The following AGFG2 variants were observed in gnomAD, a reference collection of about 807,000 sequenced individuals.
AGFG2 encodes arf-GAP domain and FG repeat-containing protein 2.
AGFG2 carries 31 observed loss-of-function variants against 48.0 expected under a neutral mutation model. The ratio of observed to expected loss-of-function variants is 0.65; its 90% confidence interval spans 0.49 to 0.87. The LOEUF (loss-of-function observed/expected upper bound fraction) is 0.87. AGFG2 is among the 40% of genes least tolerant of loss of function. The pLI is 0.00. For synonymous variants in AGFG2, 229 were observed against 260.8 expected (o/e 0.88, Z 1.18); for missense variants, 599 against 632.6 (o/e 0.95, Z 0.57).
intron 1 of AGFG2, among the ~76,000 whole-genome samples, chr7:100,539,943 C>T (rs957512315): frequency 2.0e-5 from 3 of 151,952 alleles, no homozygotes; most frequent in Non-Finnish European, 4.4e-5. Flanking sequence ...CAGAAAATGA[C>T]ATGCACCTTT....
chr7:100,563,505 G>A (rs538549379), intron 9 of AGFG2, among the ~76,000 whole-genome samples: 3 of 152,296 alleles, frequency 2.0e-5, no homozygotes, highest in South Asian at 2.1e-4. Context: ...CCTATGAGAC[G>A]GACTGTCCCC....
intron 3 of AGFG2, among the ~76,000 whole-genome samples, chr7:100,551,066 A>ATATATATTT (rs1562791920): frequency 1.4e-5 from 1 of 69,710 alleles, no homozygotes; most frequent in African/African-American, 6.4e-5. Flanking sequence ...ATATATATAT[A>ATATATATTT]TTTCTTTTTT....
intron 6 of AGFG2, among the ~76,000 whole-genome samples, chr7:100,560,856 G>A (rs1800854443): frequency 7.4e-6 from 1 of 134,868 alleles, no homozygotes; most frequent in South Asian, 2.4e-4. Flanking sequence ...CTGTCGCCCA[G>A]GCTGGAGTGC....
At chr7:100,551,431 C>T (rs934001012) in intron 3 of AGFG2, among the ~76,000 whole-genome samples, 1 of 151,102 alleles carries the variant, frequency 6.6e-6, no homozygotes, top group Non-Finnish European at 1.5e-5. Context: ...TCTGAAACTC[C>T]TGGGCTCAAA....
intron 10 of AGFG2, 111 bp downstream of exon 10, chr7:100,564,073 C>A: frequency 6.5e-7 from 1 of 1,550,078 alleles, no homozygotes. Context: ...TTCTGACCAG[C>A]AGGGGGGACC....
At chr7:100,547,298 G>C (rs1800531211) in intron 1 of AGFG2, among the ~76,000 whole-genome samples, 1 of 151,894 alleles carries the variant, frequency 6.6e-6, no homozygotes, top group Admixed American at 6.6e-5. Context: ...TGAATTTTCA[G>C]GATTTTCATC....
intron 1 of AGFG2, among the ~76,000 whole-genome samples, chr7:100,545,784 A>G (rs569157739): frequency 6.6e-6 from 1 of 152,224 alleles, no homozygotes; most frequent in Admixed American, 6.5e-5. Flanking sequence ...CCGCTGCATG[A>G]CCCTGGTGTG....
chr7:100,565,742 T>A lies in AGFG2; in HGVS notation c.*751T>A, dbSNP rs1400253156. ...ATCTCCCGCTCCCAGACTGCTCTCG[T>A]ATGTGGGGAATGGGATGAATCCCCA... On this transcript the variant is annotated 3_prime_UTR_variant, in exon 12 of 12. Coordinates refer to ENST00000300176, the MANE Select transcript of AGFG2 (RefSeq NM_006076.5). 6.6e-6 allele frequency: 1 copy of A among 152,520 alleles called. No homozygotes were observed. Among genetic ancestry groups the A allele is most frequent in the African/African-American group, 2.4e-5 (1 of 41,434 alleles). The allele number at this position is 152,520 out of a possible 1,614,324, so 9.4% of individuals were successfully genotyped here. A position where few individuals can be genotyped will look rare whatever the true frequency, so the allele number is the denominator to read the frequency against.
intron 3 of AGFG2, among the ~76,000 whole-genome samples, chr7:100,551,454 C>T (rs1800642837): frequency 6.6e-6 from 1 of 151,528 alleles, no homozygotes; most frequent in Non-Finnish European, 1.5e-5. Context: ...ATCTGCCTGC[C>T]TTGGCCTCGC....
intron 9 of AGFG2, 98 bp from the exon 10 acceptor site, chr7:100,563,736 C>T: frequency 6.5e-7 from 1 of 1,546,974 alleles, no homozygotes; most frequent in South Asian, 1.1e-5. Context: ...CAGGAAAAAA[C>T]TATATCCCAT....
At position 100,554,190 on chromosome 7, in the gene AGFG2, A is replaced by C; in HGVS notation, c.683A>C (p.Asp228Ala). ...VKKASTDLLADIGGDPFAAPQ... is the reference protein window; with the variant it reads ...VKKASTDLLAAIGGDPFAAPQ... ...AAAGCCAGTACTGACCTGCTGGCTG[A>C]CATCGGTGGAGACCCCTTTGCTGCA... is the stretch of plus-strand genomic sequence containing the variant. The change falls in exon 5 of 12, where the codon GAC (aspartate) becomes GCC (alanine). Residue 228 changes from aspartate (D) to alanine (A), a missense_variant. Physicochemically the swap from Asp to Ala is moderately radical, Grantham distance 126. Transcript: ENST00000300176. 6.2e-7 allele frequency: 1 copy of C among 1,614,224 alleles called. No individual in the cohort carries two copies. Among genetic ancestry groups the C allele is most frequent in the Non-Finnish European group, 8.5e-7 (1 of 1,180,036 alleles).
chr7:100,540,468 G>A (rs1172017641), intron 1 of AGFG2, among the ~76,000 whole-genome samples: 2 of 152,010 alleles, frequency 1.3e-5, no homozygotes, highest in Non-Finnish European at 2.9e-5. Context: ...CTTGGCATTG[G>A]TACTGTTCGG....
intron 3 of AGFG2, among the ~76,000 whole-genome samples, chr7:100,551,046 A>C: frequency 1.4e-5 from 1 of 71,656 alleles, no homozygotes; most frequent in Non-Finnish European, 3.1e-5. Flanking sequence ...ATATATATAT[A>C]TATATATATA....
At chr7:100,561,824 G>T (rs944003102) in intron 6 of AGFG2, among the ~76,000 whole-genome samples, 2 of 152,220 alleles carry the variant, frequency 1.3e-5, no homozygotes, top group African/African-American at 4.8e-5. Flanking sequence ...AGCCTCCTGA[G>T]TGTGATGGGA....
chr7:100,552,968 G>A (rs772208124), intron 3 of AGFG2, among the ~76,000 whole-genome samples: 5 of 152,126 alleles, frequency 3.3e-5, no homozygotes, highest in Non-Finnish European at 7.4e-5. Context: ...GGGCAACATA[G>A]TGAGACCTCT....
Position 100,562,446 on chromosome 7 carries a change from C to T in AGFG2, c.998+67C>T, listed in dbSNP as rs1183397020. 1.9e-6 allele frequency: 3 copies of T among 1,605,318 alleles called. No individual in the cohort carries two copies. The highest frequency in any genetic ancestry group is 2.6e-6 in the Non-Finnish European group (3 of 1,175,228). ...CCGCCCGAAGCCTGGCCATGTTCCT[C>T]CCAGCCCCATCGGCATCTCCTGGCA... On this transcript the variant is annotated intron_variant, in intron 7 of 11. Transcript: ENST00000300176. The surrounding 1 kb of genome is among the most constrained non-coding windows in gnomAD (Gnocchi z 5.4).
At chr7:100,549,080 G>A (rs2131106922) in intron 2 of AGFG2, among the ~76,000 whole-genome samples, 165 bp downstream of exon 2, 1 of 152,226 alleles carries the variant, frequency 6.6e-6, no homozygotes, top group Admixed American at 6.5e-5. Context: ...TCTTTATTCT[G>A]TTATACAAAT....
At chr7:100,539,662 G>A in intron 1 of AGFG2, 95 bp downstream of exon 1, 1 of 1,017,406 alleles carries the variant, frequency 9.8e-7, no homozygotes, top group Non-Finnish European at 1.3e-6. Flanking sequence ...GAAGGGGGCC[G>A]AGGTGAGGGG....
At chr7:100,557,017 G>T (rs1800772713) in intron 6 of AGFG2, among the ~76,000 whole-genome samples, 1 of 152,012 alleles carries the variant, frequency 6.6e-6, no homozygotes, top group Middle Eastern at 3.2e-3. Context: ...GGCCAACATG[G>T]TGAAACACCG....
Sources: allele counts gnomAD v4.1 joint callset (sites outside exome capture counted in the v4.1 genomes callset), GRCh38; gene constraint gnomAD v4.1.1; non-coding constraint Gnocchi (gnomAD v3.1); transcripts MANE v1.5; gene names NCBI Gene and HGNC (gene_info 2026-07-23, HGNC 2026-07-21).